The following ABCB1 variants were observed in gnomAD, a reference collection of about 807,000 sequenced individuals.
The protein encoded by ABCB1 is ATP binding cassette subfamily B member 1, also known as ATP-dependent translocase ABCB1.
A neutral mutation model predicts 142.0 loss-of-function variants in ABCB1; 69 were observed. That is an observed-to-expected ratio of 0.49 (90% confidence interval 0.40 to 0.59). The LOEUF is 0.59. Ranked by LOEUF, ABCB1 falls within the 20% of genes least tolerant of loss-of-function variation. The pLI is 0.00. For synonymous variants in ABCB1, 532 were observed against 539.2 expected (o/e 0.99, Z 0.18); for missense variants, 1,326 against 1,554.7 (o/e 0.85, Z 2.47).
chr7:87,503,069 G>T lies in ABCB1; in HGVS notation c.*1174C>A, dbSNP rs1050800061. ...TCATTAAATTACAAGGCAAAAAAATGATATTTTGTTTTAATTTGCATTTAT... is the reference window on the plus strand; with the variant it reads ...TCATTAAATTACAAGGCAAAAAAATTATATTTTGTTTTAATTTGCATTTAT... On this transcript the variant is annotated 3_prime_UTR_variant, in exon 28 of 28. Coordinates refer to ENST00000622132, the MANE Select transcript of ABCB1 (RefSeq NM_001348946.2). Among the ~76,000 whole-genome samples, 38 of 151,888 alleles carry T rather than the reference G, an allele frequency of 2.5e-4. 1 individual carries two copies. The highest frequency in any genetic ancestry group is 6.8e-3 in the Middle Eastern group (2 of 292).
chr7:87,504,923 C>T (rs1325679402), intron 27 of ABCB1, among the ~76,000 whole-genome samples: 1 of 151,710 alleles, frequency 6.6e-6, no homozygotes, highest in Admixed American at 6.6e-5. Flanking sequence ...GATGACTGAA[C>T]CCTAATTTGG....
intron 1 of ABCB1, among the ~76,000 whole-genome samples, chr7:87,631,476 C>T (rs914989426): frequency 4.6e-5 from 7 of 152,128 alleles, no homozygotes; most frequent in Non-Finnish European, 5.9e-5. Context: ...CTGCAAGCTC[C>T]GCCTCCCGGG....
intron 1 of ABCB1, among the ~76,000 whole-genome samples, chr7:87,618,888 CA>C (rs1452044599): frequency 6.6e-6 from 1 of 152,124 alleles, no homozygotes; most frequent in Non-Finnish European, 1.5e-5. Context: ...AGTCAAAAGC[CA>C]GCCGGAAATC....
chr7:87,638,539 G>A (rs776230925), intron 1 of ABCB1, among the ~76,000 whole-genome samples: 1 of 151,918 alleles, frequency 6.6e-6, no homozygotes, highest in Non-Finnish European at 1.5e-5. Context: ...GAACAATTCA[G>A]ATTTCCTGTG....
intron 1 of ABCB1, chr7:87,628,400 C>G (rs899184258): frequency 1.3e-5 from 2 of 157,876 alleles, no homozygotes; most frequent in Admixed American, 6.5e-5. Flanking sequence ...GGGGCCTTGC[C>G]GCTGCCTCCC....
At chr7:87,640,792 A>T (rs1326573788) in intron 1 of ABCB1, among the ~76,000 whole-genome samples, 2 of 152,034 alleles carry the variant, frequency 1.3e-5, no homozygotes, top group African/African-American at 4.8e-5. Context: ...TTCATTAATT[A>T]TGTCTTATGC....
chr7:87,600,302 G>GC (rs2130002789), intron 1 of ABCB1, 112 bp from the exon 2 acceptor site: 2 of 830,342 alleles, frequency 2.4e-6, no homozygotes, highest in Non-Finnish European at 4.0e-6. Context: ...GGGAGCGCCC[G>GC]CCGTTGATGC....
chr7:87,689,801 G>A lies in ABCB1; in HGVS notation c.-331+23360C>T, dbSNP rs553475535. On this transcript the variant is annotated intron_variant, in intron 1 of 28. Coordinates refer to the ABCB1 transcript ENST00000265724. Reference sequence around the variant, plus strand: ...TCTTTTCCTTAAGGTGAACAATATCGCTGCAAGCTGCTTTGCTAGACGTCT... The same window carrying A: ...TCTTTTCCTTAAGGTGAACAATATCACTGCAAGCTGCTTTGCTAGACGTCT... 1.2e-4 allele frequency among the ~76,000 whole-genome samples: 18 copies of A among 151,964 alleles called. No homozygotes were observed. In the South Asian group the frequency reaches 2.3e-3, roughly 19 times the overall value.
At position 87,541,351 on chromosome 7, in the gene ABCB1, A is replaced by G. The variant is rs756346795; in HGVS notation, c.2319+6T>C. On this transcript the variant is annotated splice_donor_region_variant and intron_variant, in intron 18 of 27. Coordinates refer to ENST00000622132, the MANE Select transcript of ABCB1 (RefSeq NM_001348946.2). ...AAATGAATATAGTGAAAATGGAAACATTTACCTGAAGGAAAAATGTAATAA... is the reference window on the plus strand; with the variant it reads ...AAATGAATATAGTGAAAATGGAAACGTTTACCTGAAGGAAAAATGTAATAA... The G allele has an allele frequency of 6.0e-6, 9 of 1,496,690 alleles. No homozygotes were observed. The South Asian group carries it at 9.0e-5, about 15-fold the overall frequency. The allele number at this position is 1,496,690 out of a possible 1,614,324, so 92.7% of individuals were successfully genotyped here. A position where few individuals can be genotyped will look rare whatever the true frequency, so the allele number is the denominator to read the frequency against.
chr7:87,646,654 G>C (rs1232348680), intron 1 of ABCB1, among the ~76,000 whole-genome samples: 1 of 152,024 alleles, frequency 6.6e-6, no homozygotes, highest in Non-Finnish European at 1.5e-5. Context: ...TGGAGATTGT[G>C]TGCTTTTTAT....
At chr7:87,672,963 A>G (rs1214706108) in intron 1 of ABCB1, among the ~76,000 whole-genome samples, 2 of 152,154 alleles carry the variant, frequency 1.3e-5, no homozygotes, top group African/African-American at 4.8e-5. Flanking sequence ...TATGAGAGCC[A>G]TGCACACTGG....
At chr7:87,586,852 A>T (rs1483705946) in intron 3 of ABCB1, among the ~76,000 whole-genome samples, 4 of 151,936 alleles carry the variant, frequency 2.6e-5, no homozygotes, top group Non-Finnish European at 5.9e-5. Flanking sequence ...TAAAAAGTAA[A>T]GCCAAATTAT....
At chr7:87,567,306 C>G (rs1817821593) in intron 5 of ABCB1, among the ~76,000 whole-genome samples, 1 of 152,220 alleles carries the variant, frequency 6.6e-6, no homozygotes, top group Admixed American at 6.5e-5. Flanking sequence ...ATGAAATATA[C>G]TTGGACCAGT....
At chr7:87,587,141 T>C (rs1818793270) in intron 3 of ABCB1, among the ~76,000 whole-genome samples, 1 of 152,220 alleles carries the variant, frequency 6.6e-6, no homozygotes, top group Non-Finnish European at 1.5e-5. Context: ...TTGTCTTAGA[T>C]AAGAATTCAT....
intron 3 of ABCB1, among the ~76,000 whole-genome samples, chr7:87,590,432 A>C (rs1254019335): frequency 6.6e-6 from 1 of 152,226 alleles, no homozygotes; most frequent in Non-Finnish European, 1.5e-5. Context: ...AATATTCAGG[A>C]GAAAAGCCAT....
chr7:87,684,066 A>G lies in ABCB1; in HGVS notation c.-331+29095T>C, dbSNP rs539280706. 7.9e-5 allele frequency among the ~76,000 whole-genome samples: 12 copies of G among 152,342 alleles called. No homozygotes were observed. The South Asian group carries it at 2.1e-3, about 26-fold the overall frequency. ...TAGGATCCTACTAATAGGTGCATAG[A>G]AAAGCATTTGACAAAATTCAACTTT... On this transcript the variant is annotated intron_variant, in intron 1 of 28. Transcript: ENST00000265724.
At chr7:87,636,900 G>A (rs1336783457) in intron 1 of ABCB1, among the ~76,000 whole-genome samples, 1 of 152,204 alleles carries the variant, frequency 6.6e-6, no homozygotes, top group Non-Finnish European at 1.5e-5. Context: ...CAGGGCTGGG[G>A]AGGCCTCAGG....
Position 87,550,300 on chromosome 7 carries a change from C to T in ABCB1, c.1225-4G>A, listed in dbSNP as rs2032586. The T allele has an allele frequency of 7.0e-4, 1,126 of 1,614,124 alleles. 11 individuals carry two copies. In the African/African-American group the frequency reaches 0.013, roughly 19 times the overall value. On this transcript the variant is annotated splice_polypyrimidine_tract_variant and splice_region_variant and intron_variant, in intron 11 of 27. Transcript: ENST00000622132. ...TCAGGTTCAGACCCTTCAAGATCTA[C>T]CAGGACGAGTGAGAAAAAAACTTCA... is the stretch of plus-strand genomic sequence containing the variant.
intron 27 of ABCB1, among the ~76,000 whole-genome samples, chr7:87,504,679 C>T (rs1309474100): frequency 1.9e-4 from 29 of 152,012 alleles, no homozygotes; most frequent in Admixed American, 1.9e-3. Flanking sequence ...GTGGTGGGTG[C>T]CTGTAGTCCC....
Sources: gnomAD v4.1 joint callset for allele counts (sites outside exome capture counted in the v4.1 genomes callset) on GRCh38, gnomAD v4.1.1 for gene constraint, MANE v1.5 for transcripts, NCBI Gene and HGNC (gene_info 2026-07-23, HGNC 2026-07-21) for gene names.